The following TTC3 variants were observed in gnomAD, a reference collection of about 807,000 sequenced individuals.
TTC3 encodes the protein tetratricopeptide repeat domain 3, also known as E3 ubiquitin-protein ligase TTC3.
In TTC3, 180 loss-of-function variants were observed where a neutral mutation model predicts 249.6. That is an observed-to-expected ratio of 0.72 (90% confidence interval 0.64 to 0.82). The LOEUF is 0.82. Ranked by LOEUF, TTC3 falls within the 40% of genes least tolerant of loss-of-function variation. TTC3 has a pLI of 0.00. For missense variants in TTC3, 2,061 were observed against 2,398.4 expected (o/e 0.86, Z 2.94); for synonymous variants, 717 against 805.0 (o/e 0.89, Z 1.85).
intron 8 of TTC3, among the ~76,000 whole-genome samples, chr21:37,095,085 G>C (rs987968535): frequency 6.6e-6 from 1 of 151,766 alleles, no homozygotes; most frequent in African/African-American, 2.4e-5. Flanking sequence ...GCAGTGAGCT[G>C]TGATTGCACC....
At chr21:37,199,854 C>T (rs1330135196) in intron 44 of TTC3, among the ~76,000 whole-genome samples, 1 of 152,028 alleles carries the variant, frequency 6.6e-6, no homozygotes, top group African/African-American at 2.4e-5. Flanking sequence ...ACACAATAGC[C>T]CATTGTGTGG....
chr21:37,146,998 C>T (rs1193816640), intron 21 of TTC3, among the ~76,000 whole-genome samples: 2 of 152,224 alleles, frequency 1.3e-5, no homozygotes, highest in African/African-American at 2.4e-5. Flanking sequence ...GCTTCATTAG[C>T]AGTGGAATAA....
chr21:37,128,520 A>G (rs1232393389), intron 15 of TTC3, among the ~76,000 whole-genome samples: 1 of 152,232 alleles, frequency 6.6e-6, no homozygotes, highest in East Asian at 1.9e-4. Flanking sequence ...CTTCTTCCTC[A>G]AAACCGAACA....
chr21:37,138,760 A>G (rs1226312832), intron 19 of TTC3, 46 bp downstream of exon 19: 8 of 1,298,536 alleles, frequency 6.2e-6, no homozygotes, highest in Non-Finnish European at 8.6e-6. Flanking sequence ...TGATATTGAC[A>G]TATCTTATAA....
intron 1 of TTC3, among the ~76,000 whole-genome samples, chr21:37,076,134 C>T (rs1215883015): frequency 1.3e-5 from 2 of 152,138 alleles, no homozygotes; most frequent in Non-Finnish European, 2.9e-5. Flanking sequence ...GATATGTATA[C>T]ATCCCTCAAA....
chr21:37,097,148 T>G (rs542651645), intron 10 of TTC3, among the ~76,000 whole-genome samples: 1 of 152,296 alleles, frequency 6.6e-6, no homozygotes, highest in Admixed American at 6.5e-5. Flanking sequence ...AGAAAGCAAA[T>G]AAATTTAATA....
At chr21:37,140,577 A>G (rs748288931) in exon 20 of TTC3, 2 of 1,587,540 alleles carry the variant, frequency 1.3e-6, no homozygotes, top group South Asian at 1.2e-5. Flanking sequence ...TCTGAAGCCG[A>G]AAACCAGTTT....
At chr21:37,117,618 G>A (rs529761487) in intron 11 of TTC3, among the ~76,000 whole-genome samples, 3 of 151,798 alleles carry the variant, frequency 2.0e-5, no homozygotes, top group African/African-American at 7.2e-5. Context: ...AAGACCTGGC[G>A]CTCACTCCTG....
At position 37,185,731 on chromosome 21, in the gene TTC3, GA is replaced by G; in HGVS notation, c.4787del (p.Lys1596ArgfsTer22). On this transcript the variant is annotated frameshift_variant, in exon 37 of 46. Transcript: ENST00000355666. LOFTEE classifies it high-confidence loss of function. Reference sequence around the variant, plus strand: ...GTATACCCAGAAAAATGATGGAAAGGAAAAGGAACATGAATTACATCTGGAT... The same window carrying G: ...GTATACCCAGAAAAATGATGGAAAGGAAAGGAACATGAATTACATCTGGAT... The G allele has an allele frequency of 6.4e-7, 1 of 1,553,342 alleles. No homozygotes were observed. Among genetic ancestry groups the G allele is most frequent in the Non-Finnish European group, 8.7e-7 (1 of 1,155,008 alleles).
chr21:37,140,500 A>G, intron 19 of TTC3, 61 bp from the exon 20 acceptor site: 2 of 1,188,170 alleles, frequency 1.7e-6, no homozygotes, highest in Non-Finnish European at 2.3e-6. Flanking sequence ...ACCTTTAGAT[A>G]AAATTTATTT....
chr21:37,191,481 G>A (rs999778275), intron 40 of TTC3, 57 bp downstream of exon 40: 31 of 1,132,256 alleles, frequency 2.7e-5, no homozygotes, highest in East Asian at 1.7e-4. Context: ...TATAATTCTC[G>A]GGAGGCTGGT....
chr21:37,169,222 C>T (rs1338475084), intron 34 of TTC3, among the ~76,000 whole-genome samples: 2 of 152,122 alleles, frequency 1.3e-5, no homozygotes, highest in African/African-American at 4.8e-5. Context: ...TTTTAAACTT[C>T]ATATGTAAAA....
intron 38 of TTC3, 88 bp downstream of exon 38, chr21:37,187,233 C>A: frequency 1.0e-6 from 1 of 973,166 alleles, no homozygotes. Flanking sequence ...ACAGACATTA[C>A]TGAAAAGTGT....
intron 20 of TTC3, among the ~76,000 whole-genome samples, chr21:37,142,687 T>C (rs1430071797): frequency 1.3e-5 from 2 of 152,174 alleles, no homozygotes; most frequent in Admixed American, 6.5e-5. Context: ...AATTTATAGA[T>C]TCAATGCCAT....
At chr21:37,118,707 T>C (rs1238890126) in intron 11 of TTC3, among the ~76,000 whole-genome samples, 2 of 152,190 alleles carry the variant, frequency 1.3e-5, no homozygotes, top group East Asian at 3.9e-4. Context: ...TTTTCTCAAC[T>C]TTGCCTCCCT....
rs541523454 is a variant in TTC3 at position 37,113,201 on chromosome 21, G to A, written c.900+4755G>A. 1.6e-3 allele frequency among the ~76,000 whole-genome samples: 238 copies of A among 152,252 alleles called. 2 individuals are homozygous for A. The highest frequency in any genetic ancestry group is 5.1e-3 in the African/African-American group (210 of 41,556). On this transcript the variant is annotated intron_variant, in intron 11 of 45. Coordinates refer to ENST00000355666, the Ensembl canonical transcript of TTC3. ...TGGAAGTTCTGGCCAGGGCAATCAC[G>A]CAGAAGGAAATAAAGGGCATTCAAT...
chr21:37,079,952 A>G (rs1361736737), intron 1 of TTC3, among the ~76,000 whole-genome samples: 1 of 152,148 alleles, frequency 6.6e-6, no homozygotes, highest in East Asian at 1.9e-4. Flanking sequence ...AAGTTTGTCC[A>G]TTTTTAAAAT....
At chr21:37,114,733 A>G (rs889340923) in intron 11 of TTC3, among the ~76,000 whole-genome samples, 1 of 152,052 alleles carries the variant, frequency 6.6e-6, no homozygotes, top group African/African-American at 2.4e-5. Context: ...ACATGCACAC[A>G]TATGTTTATT....
exon 18 of TTC3, chr21:37,135,403 G>C: frequency 6.2e-7 from 1 of 1,613,204 alleles, no homozygotes; most frequent in East Asian, 2.2e-5. Context: ...TAATGAAAAT[G>C]CTGAGAAGCT....
Sources: allele counts gnomAD v4.1 joint callset (sites outside exome capture counted in the v4.1 genomes callset), GRCh38; gene constraint gnomAD v4.1.1; transcripts MANE v1.5; gene names NCBI Gene and HGNC (gene_info 2026-07-23, HGNC 2026-07-21).